Variants in PDE4B observed in about 807,000 individuals in gnomAD.
PDE4B encodes the protein phosphodiesterase 4B.
Under a neutral mutation model 82.2 loss-of-function variants are expected in PDE4B, and 20 were observed. That is an observed-to-expected ratio of 0.24 (90% CI 0.17 to 0.35). PDE4B has a LOEUF of 0.35. Among genes scored for constraint, PDE4B ranks in the 10% least tolerant of loss-of-function variants. The pLI is 1.00. For synonymous variants in PDE4B, 320 were observed against 318.9 expected, an observed-to-expected ratio of 1.00 and a Z score of -0.04; for missense variants, 655 against 907.2, an observed-to-expected ratio of 0.72 and a Z score of 3.57.
chr1:66,021,513 CCA>C (rs1389936722), intron 3 of PDE4B, among the ~76,000 whole-genome samples: 7 of 152,096 alleles, frequency 4.6e-5, no homozygotes, highest in African/African-American at 1.7e-4. Flanking sequence ...AGGAAGGGAT[CCA>C]GTTTCAGCTT....
At chr1:65,854,531 T>C (rs1646370527) in intron 1 of PDE4B, among the ~76,000 whole-genome samples, 1 of 151,994 alleles carries the variant, frequency 6.6e-6, no homozygotes, top group Admixed American at 6.6e-5. Flanking sequence ...GATTGTCAGT[T>C]TTTTCTTCAT....
intron 3 of PDE4B, among the ~76,000 whole-genome samples, chr1:66,160,933 C>G (rs373085810): frequency 2.0e-5 from 3 of 152,202 alleles, no homozygotes; most frequent in Admixed American, 6.5e-5. Flanking sequence ...GAGTGGCACT[C>G]TCAGAACATC....
chr1:65,839,176 C>T (rs1467513489), intron 1 of PDE4B, among the ~76,000 whole-genome samples: 1 of 151,828 alleles, frequency 6.6e-6, no homozygotes, highest in East Asian at 1.9e-4. Flanking sequence ...TCCAGCTTTC[C>T]AAGATTAGAT....
intron 7 of PDE4B, chr1:66,330,847 T>A (rs923719889): frequency 1.2e-5 from 11 of 934,036 alleles, no homozygotes; most frequent in Non-Finnish European, 1.4e-5. Context: ...AAGGTATGTG[T>A]AAGTCTGGCT....
At chr1:65,927,561 G>C (rs1006741700) in intron 3 of PDE4B, among the ~76,000 whole-genome samples, 10 of 149,070 alleles carry the variant, frequency 6.7e-5, no homozygotes, top group African/African-American at 2.5e-4. Flanking sequence ...TACAGCAGCT[G>C]CAATTGGAGT....
At chr1:66,220,966 A>G (rs778645550) in intron 3 of PDE4B, among the ~76,000 whole-genome samples, 5 of 152,200 alleles carry the variant, frequency 3.3e-5, no homozygotes, top group African/African-American at 4.8e-5. Context: ...AGCAATAACA[A>G]TATTTATATA....
At position 66,016,063 on chromosome 1, in the gene PDE4B, A is replaced by G. The variant is rs541428062; in HGVS notation, c.281+97228A>G. Among the ~76,000 whole-genome samples, 37 of 152,294 alleles carry G rather than the reference A, an allele frequency of 2.4e-4. 1 individual carries two copies. In the South Asian group the frequency reaches 7.0e-3, roughly 29 times the overall value. ...ATAGTTGGATAGAACTCTTCTAATTATTGACTATGTGACCTTGGGAAAGTT... is the reference window on the plus strand; with the variant it reads ...ATAGTTGGATAGAACTCTTCTAATTGTTGACTATGTGACCTTGGGAAAGTT... On this transcript the variant is annotated intron_variant, in intron 3 of 16. Coordinates refer to ENST00000341517, the MANE Select transcript of PDE4B (RefSeq NM_002600.4).
intron 7 of PDE4B, among the ~76,000 whole-genome samples, chr1:66,322,789 A>G (rs1317390267): frequency 1.3e-5 from 2 of 151,974 alleles, no homozygotes; most frequent in Non-Finnish European, 2.9e-5. Flanking sequence ...ACTAGGATGG[A>G]TAATTAACTA....
chr1:66,145,256 A>G (rs139937326), intron 3 of PDE4B, among the ~76,000 whole-genome samples: 1 of 152,294 alleles, frequency 6.6e-6, no homozygotes, highest in East Asian at 1.9e-4. Context: ...GCAAAAGGAA[A>G]TAGGCAAGGA....
chr1:65,946,548 A>G (rs193130739), intron 3 of PDE4B, among the ~76,000 whole-genome samples: 3 of 152,072 alleles, frequency 2.0e-5, no homozygotes, highest in Admixed American at 2.0e-4. Flanking sequence ...ACTTGATGTC[A>G]TTTGAGTTTC....
chr1:66,151,457 C>A (rs548390723), intron 3 of PDE4B, among the ~76,000 whole-genome samples: 13 of 152,262 alleles, frequency 8.5e-5, no homozygotes, highest in Non-Finnish European at 1.5e-4. Context: ...CTCTTCCAGG[C>A]ATTGTGTTAA....
intron 1 of PDE4B, among the ~76,000 whole-genome samples, chr1:65,802,128 T>A (rs1364585980): frequency 1.3e-5 from 2 of 152,158 alleles, no homozygotes; most frequent in Non-Finnish European, 2.9e-5. Flanking sequence ...CATTTGGGAG[T>A]AACCAATAAT....
At chr1:65,824,841 T>C (rs913586797) in intron 1 of PDE4B, among the ~76,000 whole-genome samples, 9 of 152,128 alleles carry the variant, frequency 5.9e-5, no homozygotes, top group African/African-American at 1.9e-4. Context: ...GTGCAGGCAA[T>C]AAGGAGGTCC....
chr1:65,942,788 G>A (rs1258667967), intron 3 of PDE4B, among the ~76,000 whole-genome samples: 6 of 151,814 alleles, frequency 4.0e-5, no homozygotes, highest in Admixed American at 3.3e-4. Flanking sequence ...GATGTTGAAC[G>A]TTTTTTCATA....
chr1:66,198,690 A>G (rs1416422747), intron 3 of PDE4B, among the ~76,000 whole-genome samples: 22 of 152,234 alleles, frequency 1.4e-4, no homozygotes. Flanking sequence ...TACATGTGCC[A>G]TGTCGGTGTA....
At chr1:66,244,381 G>C (rs893807328) in intron 3 of PDE4B, among the ~76,000 whole-genome samples, 22 of 152,046 alleles carry the variant, frequency 1.4e-4, no homozygotes, top group Non-Finnish European at 1.5e-5. Flanking sequence ...TGAAATATGT[G>C]TCCTGATGAA....
intron 1 of PDE4B, among the ~76,000 whole-genome samples, chr1:65,815,359 G>A (rs955155405): frequency 6.6e-6 from 1 of 152,014 alleles, no homozygotes; most frequent in African/African-American, 2.4e-5. Context: ...TTCAAGTCAC[G>A]AGACAACACA....
intron 3 of PDE4B, among the ~76,000 whole-genome samples, chr1:66,152,073 A>G (rs189707495): frequency 1.3e-5 from 2 of 152,356 alleles, no homozygotes; most frequent in East Asian, 1.9e-4. Context: ...GAAATGATAA[A>G]AATCTGTTTA....
At chr1:66,233,172 C>T (rs1173499123) in intron 3 of PDE4B, among the ~76,000 whole-genome samples, 1 of 152,128 alleles carries the variant, frequency 6.6e-6, no homozygotes, top group African/African-American at 2.4e-5. Flanking sequence ...TACCTATCTT[C>T]TTTCTGTCAC....
Sources: gnomAD v4.1 joint callset for allele counts (sites outside exome capture counted in the v4.1 genomes callset) on GRCh38, gnomAD v4.1.1 for gene constraint, MANE v1.5 for transcripts, NCBI Gene and HGNC (gene_info 2026-07-23, HGNC 2026-07-21) for gene names.